SCARA5: variants seen among roughly 807,000 people sequenced by gnomAD.
The protein encoded by SCARA5 is scavenger receptor class A, member 5 (putative).
Under a neutral mutation model 46.3 loss-of-function variants are expected in SCARA5, and 45 were observed. The ratio of observed to expected loss-of-function variants is 0.97; its 90% CI spans 0.76 to 1.24. SCARA5 has a LOEUF of 1.24. Among genes scored for constraint, SCARA5 ranks in the 50% most tolerant of loss-of-function variants. The pLI is 0.00. For missense variants in SCARA5, 680 were observed against 689.0 expected (o/e 0.99, Z 0.15); for synonymous variants, 333 against 306.5 (o/e 1.09, Z -0.90).
chr8:27,977,967 A>G (rs1808551939), intron 2 of SCARA5, among the ~76,000 whole-genome samples: 1 of 151,836 alleles, frequency 6.6e-6, no homozygotes, highest in Non-Finnish European at 1.5e-5. Context: ...AATATATTGG[A>G]TATACTGGAT....
At chr8:27,948,810 T>A (rs1426620111) in intron 3 of SCARA5, among the ~76,000 whole-genome samples, 1 of 152,264 alleles carries the variant, frequency 6.6e-6, no homozygotes, top group African/African-American at 2.4e-5. Flanking sequence ...CACTTTTCCA[T>A]AAGCCCCAGC....
At chr8:27,880,008 A>G (rs1806786527) in intron 7 of SCARA5, among the ~76,000 whole-genome samples, 1 of 152,346 alleles carries the variant, frequency 6.6e-6, no homozygotes, top group African/African-American at 2.4e-5. Flanking sequence ...ACAGAGACCA[A>G]TGGAACAAAA....
chr8:27,975,789 C>T (rs1053831254), intron 2 of SCARA5, among the ~76,000 whole-genome samples: 1 of 152,074 alleles, frequency 6.6e-6, no homozygotes, highest in Non-Finnish European at 1.5e-5. Context: ...TCAGGGCAGA[C>T]GGCTCAGCGA....
At chr8:27,883,266 C>A (rs183790363) in intron 7 of SCARA5, among the ~76,000 whole-genome samples, 2 of 152,212 alleles carry the variant, frequency 1.3e-5, no homozygotes, top group Non-Finnish European at 2.9e-5. Flanking sequence ...CTGAAAGAAG[C>A]CTTTGGATCA....
rs1168452062 is a variant in SCARA5 at position 27,879,771 on chromosome 8, C to T, written c.1154-5G>A. 3.7e-6 allele frequency: 6 copies of T among 1,612,316 alleles called. No homozygotes were observed. In the South Asian group the frequency reaches 6.6e-5, roughly 18 times the overall value. Reference sequence around the variant, plus strand: ...TCATCGGGGCCTCCACGCCACCTGCCGGAGCAGCCAACTGTCACTACCCAG... The same window carrying T: ...TCATCGGGGCCTCCACGCCACCTGCTGGAGCAGCCAACTGTCACTACCCAG... On this transcript the variant is annotated splice_region_variant and splice_polypyrimidine_tract_variant and intron_variant, in intron 7 of 8. Transcript: ENST00000354914.
chr8:27,945,161 T>TA (rs1222673935), intron 3 of SCARA5, among the ~76,000 whole-genome samples: 1 of 149,050 alleles, frequency 6.7e-6, no homozygotes, highest in Non-Finnish European at 1.5e-5. Flanking sequence ...AATGAGACTG[T>TA]AAAAAAATAA....
At chr8:27,877,756 C>A (rs1422212189) in intron 8 of SCARA5, among the ~76,000 whole-genome samples, 1 of 152,110 alleles carries the variant, frequency 6.6e-6, no homozygotes, top group African/African-American at 2.4e-5. Context: ...TTCATGGTGC[C>A]GGATCCCTTC....
intron 3 of SCARA5, among the ~76,000 whole-genome samples, chr8:27,958,912 C>G (rs940421548): frequency 3.3e-5 from 5 of 152,044 alleles, no homozygotes; most frequent in African/African-American, 1.2e-4. Flanking sequence ...GATGTAGGGT[C>G]GTGTATCACT....
chr8:27,910,844 C>T (rs1052120734), intron 4 of SCARA5, among the ~76,000 whole-genome samples: 9 of 152,230 alleles, frequency 5.9e-5, no homozygotes, highest in African/African-American at 2.2e-4. Flanking sequence ...TGGGGCTGCC[C>T]TCCAGGCTGG....
chr8:27,951,226 T>A (rs1808121615), intron 3 of SCARA5, among the ~76,000 whole-genome samples: 1 of 152,056 alleles, frequency 6.6e-6, no homozygotes, highest in African/African-American at 2.4e-5. Context: ...AAGGTCACAG[T>A]TTAGTGTGGA....
chr8:27,965,978 A>T lies in SCARA5; in HGVS notation c.241+436T>A, dbSNP rs372574029. On this transcript the variant is annotated intron_variant, in intron 3 of 8. Coordinates refer to ENST00000354914, the MANE Select transcript of SCARA5 (RefSeq NM_173833.6). ...GGAGAGCCTGGCTGAATTGGGGCAA[A>T]CCCATTCTACCTACAGTAACTGCAA... Among the ~76,000 whole-genome samples the T allele has an allele frequency of 5.5e-4, 84 of 152,286 alleles. 1 individual carries two copies. The South Asian group carries it at 0.017, about 31-fold the overall frequency.
At chr8:27,897,907 C>T (rs1217643665) in intron 7 of SCARA5, among the ~76,000 whole-genome samples, 3 of 152,212 alleles carry the variant, frequency 2.0e-5, no homozygotes, top group African/African-American at 7.2e-5. Context: ...TAGCATATAT[C>T]CAGAATACAA....
intron 5 of SCARA5, among the ~76,000 whole-genome samples, chr8:27,908,591 G>A (rs1807311828): frequency 6.6e-6 from 1 of 152,220 alleles, no homozygotes; most frequent in Non-Finnish European, 1.5e-5. Context: ...GCTGGAAGAA[G>A]ACAGGTTTCT....
intron 3 of SCARA5, among the ~76,000 whole-genome samples, chr8:27,949,771 A>G (rs942320275): frequency 6.6e-6 from 1 of 152,212 alleles, no homozygotes; most frequent in African/African-American, 2.4e-5. Flanking sequence ...CTCAGGTCTG[A>G]GTCCTCCCCT....
chr8:27,934,476 A>G (rs1168628295), intron 3 of SCARA5, among the ~76,000 whole-genome samples: 2 of 152,214 alleles, frequency 1.3e-5, no homozygotes, highest in Non-Finnish European at 2.9e-5. Flanking sequence ...CAGGGGCATC[A>G]TGAGAAGAGA....
intron 1 of SCARA5, among the ~76,000 whole-genome samples, chr8:27,988,193 C>T (rs929566296): frequency 1.3e-5 from 2 of 152,198 alleles, no homozygotes; most frequent in Non-Finnish European, 2.9e-5. Flanking sequence ...TTGGAAGGAG[C>T]TTGGCTCAGT....
At chr8:27,880,825 A>C (rs976895096) in intron 7 of SCARA5, among the ~76,000 whole-genome samples, 8 of 139,910 alleles carry the variant, frequency 5.7e-5, no homozygotes, top group African/African-American at 2.1e-4. Context: ...ACTGCACTCC[A>C]GCATGCATGA....
chr8:27,907,381 A>T, intron 5 of SCARA5, 135 bp from the exon 6 acceptor site: 1 of 578,846 alleles, frequency 1.7e-6, no homozygotes, highest in Non-Finnish European at 3.0e-6. Context: ...TTTTCTGTTA[A>T]TCTAAAGATG....
chr8:27,902,102 G>T (rs1807164349), intron 7 of SCARA5, among the ~76,000 whole-genome samples: 1 of 152,180 alleles, frequency 6.6e-6, no homozygotes, highest in Non-Finnish European at 1.5e-5. Flanking sequence ...GACTACTGGG[G>T]GTGGGGGTCT....
Sources: gnomAD v4.1 joint callset for allele counts (sites outside exome capture counted in the v4.1 genomes callset) on GRCh38, gnomAD v4.1.1 for gene constraint, MANE v1.5 for transcripts, NCBI Gene and HGNC (gene_info 2026-07-23, HGNC 2026-07-21) for gene names.